Variants in SKIC8 observed in about 807,000 individuals in gnomAD.
SKIC8 encodes the protein SKI8 subunit of superkiller complex.
At chr15:78,292,775 G>A in the SKIC8 span, 3 of 1,613,620 alleles carry the variant, frequency 1.9e-6, no homozygotes, top group East Asian at 4.5e-5. Context: ...TGTAGGTCCA[G>A]CCTCTCATCA....
chr15:78,295,194 C>T, the SKIC8 span: 3 of 582,026 alleles, frequency 5.2e-6, no homozygotes, highest in African/African-American at 1.9e-5. Context: ...ATTCTCCCCT[C>T]CTTCCTACTA....
At chr15:78,285,107 T>G in the SKIC8 span, 1 of 675,110 alleles carries the variant, frequency 1.5e-6, no homozygotes, top group South Asian at 1.9e-5. Context: ...GCACAGGAAC[T>G]CTGGCTACAT....
the SKIC8 span, chr15:78,289,529 A>G: frequency 5.4e-5 from 53 of 978,122 alleles, no homozygotes; most frequent in Admixed American, 8.0e-4. Flanking sequence ...TCTAATGCCC[A>G]TTTGCCATTT....
At chr15:78,292,215 T>C in the SKIC8 span, 6 of 230,762 alleles carry the variant, frequency 2.6e-5, no homozygotes, top group African/African-American at 4.6e-5. Flanking sequence ...CAGTTCAGAA[T>C]ATGGCAAATA....
At chr15:78,290,205 G>T in the SKIC8 span, 1 of 1,207,766 alleles carries the variant, frequency 8.3e-7, no homozygotes, top group Non-Finnish European at 1.1e-6. Context: ...CGGAGTAGCA[G>T]TGTCCTGATT....
At chr15:78,288,977 CAG>C in the SKIC8 span, 1 of 437,154 alleles carries the variant, frequency 2.3e-6, no homozygotes, top group Non-Finnish European at 4.5e-6. Flanking sequence ...TCCAAAATAA[CAG>C]AAATGAGACA....
At chr15:78,283,874 AAG>A in the SKIC8 span, 1 of 164,864 alleles carries the variant, frequency 6.1e-6, no homozygotes, top group Non-Finnish European at 1.3e-5. Context: ...TCCAGGAAGA[AAG>A]AGCCCCACAA....
At chr15:78,294,973 A>G in the SKIC8 span, 1 of 1,614,192 alleles carries the variant, frequency 6.2e-7, no homozygotes, top group South Asian at 1.1e-5. Flanking sequence ...AGAATACCGT[A>G]CTAAAAAAGA....
the SKIC8 span, among the ~76,000 whole-genome samples, chr15:78,297,934 G>C: frequency 6.6e-6 from 1 of 152,198 alleles, no homozygotes; most frequent in Non-Finnish European, 1.5e-5. Context: ...TTTTGGTTTT[G>C]TAAAGACAAG....
the SKIC8 span, among the ~76,000 whole-genome samples, chr15:78,298,405 T>C: frequency 6.6e-6 from 1 of 152,240 alleles, no homozygotes; most frequent in Non-Finnish European, 1.5e-5. Context: ...CCCCGCTTAC[T>C]AGGTACAGTA....
At chr15:78,286,256 C>T in the SKIC8 span, 3 of 737,338 alleles carry the variant, frequency 4.1e-6, no homozygotes, top group East Asian at 8.3e-5. Flanking sequence ...TTATAATGAC[C>T]ATGAATACTA....
chr15:78,292,889 T>C, the SKIC8 span: 1 of 1,332,694 alleles, frequency 7.5e-7, no homozygotes, highest in South Asian at 1.4e-5. Flanking sequence ...CAATGGTCTA[T>C]GAAATACAGA....
the SKIC8 span, chr15:78,293,294 T>C: frequency 6.2e-7 from 1 of 1,605,368 alleles, no homozygotes; most frequent in South Asian, 1.1e-5. Context: ...AGTGCTTCAT[T>C]TATAAAGTCT....
the SKIC8 span, chr15:78,293,405 G>A: frequency 4.8e-6 from 4 of 828,700 alleles, no homozygotes; most frequent in South Asian, 4.0e-5. Context: ...TTCCTATACA[G>A]CTTTTATTGA....
chr15:78,288,155 C>A, the SKIC8 span: 2 of 844,488 alleles, frequency 2.4e-6, no homozygotes, highest in African/African-American at 1.7e-5. Flanking sequence ...CGGGGGAGGA[C>A]CGCCTGGGGA....
the SKIC8 span, chr15:78,285,574 A>G: frequency 1.8e-6 from 1 of 564,786 alleles, no homozygotes. Flanking sequence ...TCTCAGACAC[A>G]GCTACCTATT....
the SKIC8 span, chr15:78,286,151 C>A: frequency 6.2e-7 from 1 of 1,607,954 alleles, no homozygotes; most frequent in Non-Finnish European, 8.5e-7. Flanking sequence ...GGGAAAGTTT[C>A]AAACAAAATT....
chr15:78,283,776 C>CT, the SKIC8 span: 2 of 313,380 alleles, frequency 6.4e-6, no homozygotes, highest in Non-Finnish European at 1.2e-5. Context: ...CTAATCAAGA[C>CT]TATCTACAAC....
the SKIC8 span, among the ~76,000 whole-genome samples, chr15:78,298,569 TTC>T: frequency 6.6e-6 from 1 of 152,214 alleles, no homozygotes; most frequent in African/African-American, 2.4e-5. Flanking sequence ...ATTGTTGTTA[TTC>T]TCTTATTGTG....
Sources: allele counts gnomAD v4.1 joint callset (sites outside exome capture counted in the v4.1 genomes callset), GRCh38; gene constraint gnomAD v4.1.1; transcripts MANE v1.5; gene names NCBI Gene and HGNC (gene_info 2026-07-23, HGNC 2026-07-21).